ARHGAP42: variants seen among roughly 807,000 people sequenced by gnomAD.
The protein encoded by ARHGAP42 is Rho GTPase activating protein 42.
Under a neutral mutation model 125.0 loss-of-function variants are expected in ARHGAP42, and 63 were observed. The observed-to-expected ratio is 0.50, with a 90% CI of 0.41 to 0.62. ARHGAP42 has a LOEUF of 0.62. Among genes scored for constraint, ARHGAP42 ranks in the 20% least tolerant of loss-of-function variants. ARHGAP42 has a pLI of 0.00. For missense variants in ARHGAP42, 766 were observed against 1,024.2 expected (o/e 0.75, Z 3.44); for synonymous variants, 339 against 351.0 (o/e 0.97, Z 0.38).
intron 7 of ARHGAP42, 68 bp from the exon 8 acceptor site, chr11:100,936,135 A>G (rs576520572): frequency 2.6e-6 from 4 of 1,524,298 alleles, no homozygotes; most frequent in Non-Finnish European, 3.6e-6. Flanking sequence ...AAAACAAAAT[A>G]TTAGTCTGGA....
At chr11:100,964,592 T>C (rs188767314) in intron 16 of ARHGAP42, among the ~76,000 whole-genome samples, 1 of 152,290 alleles carries the variant, frequency 6.6e-6, no homozygotes, top group Admixed American at 6.5e-5. Context: ...TTTGGTATAG[T>C]GGGCAATCAT....
chr11:100,959,750 TA>T, intron 12 of ARHGAP42, 132 bp from the exon 13 acceptor site: 1 of 784,596 alleles, frequency 1.3e-6, no homozygotes, highest in South Asian at 1.7e-5. Context: ...AGTCAGCCTC[TA>T]ACCAAAATAT....
At chr11:100,977,206 C>T (rs987043876) in intron 21 of ARHGAP42, among the ~76,000 whole-genome samples, 3 of 152,140 alleles carry the variant, frequency 2.0e-5, no homozygotes, top group Admixed American at 1.3e-4. Flanking sequence ...TCCTTTGAAG[C>T]AGAGCTATGA....
chr11:100,989,337 A>G lies in ARHGAP42; in HGVS notation c.*536A>G, dbSNP rs533404654. ...TAAGTCTTTGTTTTAATATAACTTT[A>G]TTTGTTTTCCAAGTAGATGATAATA... On this transcript the variant is annotated 3_prime_UTR_variant, in exon 24 of 24. Transcript: ENST00000298815. 2.5e-4 allele frequency: 97 copies of G among 386,110 alleles called. No homozygotes were observed. The highest frequency in any genetic ancestry group is 1.8e-3 in the African/African-American group (87 of 48,258). 23.9% of individuals were successfully genotyped at this position (386,110 alleles called of 1,614,324 possible). A position where few individuals can be genotyped will look rare whatever the true frequency, so the allele number is the denominator to read the frequency against.
chr11:100,772,242 AT>A (rs1264067030), intron 2 of ARHGAP42, among the ~76,000 whole-genome samples: 4 of 152,210 alleles, frequency 2.6e-5, no homozygotes, highest in African/African-American at 9.6e-5. Flanking sequence ...TTTCAGCTTC[AT>A]TGTGTGGCTT....
chr11:100,895,093 G>T (rs1038399627), intron 4 of ARHGAP42, among the ~76,000 whole-genome samples: 4 of 152,160 alleles, frequency 2.6e-5, no homozygotes, highest in Admixed American at 6.5e-5. Context: ...TCATTTCATC[G>T]TGCTTTCTTA....
chr11:100,718,742 C>T (rs545680622), intron 1 of ARHGAP42, among the ~76,000 whole-genome samples: 2 of 152,288 alleles, frequency 1.3e-5, no homozygotes, highest in East Asian at 3.9e-4. Context: ...TAATTTCTCA[C>T]ATAGTAATTT....
chr11:100,757,616 T>A (rs766225362), intron 1 of ARHGAP42, among the ~76,000 whole-genome samples: 2 of 152,178 alleles, frequency 1.3e-5, no homozygotes, highest in Non-Finnish European at 2.9e-5. Context: ...GCTCTAAGGG[T>A]ACATAATGAA....
intron 16 of ARHGAP42, among the ~76,000 whole-genome samples, chr11:100,963,957 G>GT (rs1182138881): frequency 2.6e-5 from 4 of 151,924 alleles, no homozygotes; most frequent in African/African-American, 9.7e-5. Context: ...TTGGTCACAA[G>GT]TTTTTTCTCC....
chr11:100,774,258 G>A (rs1007270371), intron 2 of ARHGAP42, among the ~76,000 whole-genome samples: 5 of 152,176 alleles, frequency 3.3e-5, no homozygotes, highest in South Asian at 2.1e-4. Flanking sequence ...TGGGACTAAC[G>A]TGTGTGTCTG....
At chr11:100,931,004 A>T (rs1269850933) in intron 6 of ARHGAP42, among the ~76,000 whole-genome samples, 1 of 152,176 alleles carries the variant, frequency 6.6e-6, no homozygotes, top group Non-Finnish European at 1.5e-5. Context: ...ATAATGAGAT[A>T]CCTTGGGAAT....
In ARHGAP42 at chr11:100,868,585, A is replaced by T. The variant is rs569710782; in HGVS notation, c.384+8960A>T. Among the ~76,000 whole-genome samples the T allele has an allele frequency of 2.0e-5, 3 of 152,318 alleles. No individual in the cohort carries two copies. In the South Asian group the frequency reaches 6.2e-4, roughly 32 times the overall value. On this transcript the variant is annotated intron_variant, in intron 4 of 23. Coordinates refer to ENST00000298815, the MANE Select transcript of ARHGAP42 (RefSeq NM_152432.4). ...ATTTTAAACAGAAATGAGATAAAAC[A>T]TACAGTTCTTTAATAGCACATTTGG...
At chr11:100,834,106 C>T (rs530833883) in intron 3 of ARHGAP42, among the ~76,000 whole-genome samples, 46 of 152,228 alleles carry the variant, frequency 3.0e-4, no homozygotes, top group Non-Finnish European at 5.0e-4. Flanking sequence ...AACCTATTTA[C>T]AGCTGTCCAG....
At chr11:100,820,216 C>G (rs1270175642) in intron 3 of ARHGAP42, among the ~76,000 whole-genome samples, 1 of 152,058 alleles carries the variant, frequency 6.6e-6, no homozygotes, top group African/African-American at 2.4e-5. Flanking sequence ...ACTTGTACTT[C>G]TGTTTGAAGA....
intron 4 of ARHGAP42, among the ~76,000 whole-genome samples, chr11:100,900,956 G>A (rs923997455): frequency 2.6e-5 from 4 of 152,080 alleles, no homozygotes; most frequent in African/African-American, 7.2e-5. Context: ...CGATCTTTTG[G>A]AAGAGAAGAG....
chr11:100,781,240 A>C (rs1044332959), intron 2 of ARHGAP42, among the ~76,000 whole-genome samples: 3 of 150,952 alleles, frequency 2.0e-5, no homozygotes, highest in Non-Finnish European at 3.0e-5. Flanking sequence ...TCTTTCTCTT[A>C]CTTTCTTTAT....
At chr11:100,775,243 G>C (rs1225704716) in intron 2 of ARHGAP42, among the ~76,000 whole-genome samples, 1 of 152,144 alleles carries the variant, frequency 6.6e-6, no homozygotes, top group Admixed American at 6.5e-5. Context: ...TTTGAACTGA[G>C]TAAGGAAGAC....
Position 100,992,113 on chromosome 11 carries a change from A to G in ARHGAP42, c.*3312A>G, listed in dbSNP as rs1401913421. On this transcript the variant is annotated 3_prime_UTR_variant, in exon 24 of 24. Transcript: ENST00000298815. ...GGTATCATTCATGTGGTTTCAGTTT[A>G]GAAGAGTCCCTCAGAGCTTTGCCTC... 3.4e-6 allele frequency: 2 copies of G among 591,410 alleles called. No homozygotes were observed. The highest frequency in any genetic ancestry group is 5.8e-6 in the Non-Finnish European group (2 of 344,216). 36.6% of individuals were successfully genotyped at this position (591,410 alleles called of 1,614,324 possible).
chr11:100,875,683 A>G (rs1170626010), intron 4 of ARHGAP42, among the ~76,000 whole-genome samples: 1 of 152,010 alleles, frequency 6.6e-6, no homozygotes. Context: ...GGTCAACCCC[A>G]TCCCACAGTG....
Sources: gnomAD v4.1 joint callset for allele counts (sites outside exome capture counted in the v4.1 genomes callset) on GRCh38, gnomAD v4.1.1 for gene constraint, MANE v1.5 for transcripts, NCBI Gene and HGNC (gene_info 2026-07-23, HGNC 2026-07-21) for gene names.